ZFR2: variants seen among roughly 807,000 people sequenced by gnomAD.
ZFR2 encodes zinc finger RNA binding protein 2, also known as zinc finger RNA-binding protein 2.
In ZFR2, 104 loss-of-function variants were observed where a neutral mutation model predicts 105.7. The ratio of observed to expected loss-of-function variants is 0.98; its 90% CI spans 0.84 to 1.16. The LOEUF (loss-of-function observed/expected upper bound fraction) is 1.16, where lower values mean the gene tolerates loss of function less well. Among genes scored for constraint, ZFR2 ranks in the 50% most tolerant of loss-of-function variants. The pLI is 0.00. For missense variants in ZFR2, 1,425 were observed against 1,355.5 expected (o/e 1.05, Z -0.80); for synonymous variants, 634 against 597.7 (o/e 1.06, Z -0.89).
chr19:3,859,859 C>T lies in ZFR2; in HGVS notation c.53+9106G>A, dbSNP rs931628372. ...CAAAATGCATCTTACACATTCATAC[C>T]CGTAACAGTCCTGATTTTGTAACCA... On this transcript the variant is annotated intron_variant, in intron 1 of 18. Coordinates refer to ENST00000262961, the MANE Select transcript of ZFR2 (RefSeq NM_015174.2). Among the ~76,000 whole-genome samples the T allele has an allele frequency of 2.0e-5, 3 of 152,198 alleles. No individual in the cohort carries two copies. The East Asian group carries it at 5.8e-4, about 29-fold the overall frequency.
At chr19:3,855,120 T>A (rs570150507) in intron 1 of ZFR2, among the ~76,000 whole-genome samples, 3 of 152,322 alleles carry the variant, frequency 2.0e-5, no homozygotes, top group Admixed American at 2.0e-4. Flanking sequence ...GGTCTCGAAC[T>A]CCTGGGCTCA....
At chr19:3,822,461 C>T (rs895818365) in intron 8 of ZFR2, among the ~76,000 whole-genome samples, 1 of 151,888 alleles carries the variant, frequency 6.6e-6, no homozygotes, top group African/African-American at 2.4e-5. Flanking sequence ...CACAGGCACA[C>T]GCCACCATGG....
chr19:3,829,454 TTGTGTGTG>T (rs113401682), intron 5 of ZFR2, among the ~76,000 whole-genome samples: 4 of 149,736 alleles, frequency 2.7e-5, no homozygotes, highest in South Asian at 2.1e-4. Context: ...ATAGGTAGGT[TTGTGTGTG>T]TGTGTGTGTG....
chr19:3,822,816 A>G (rs1038911275), intron 8 of ZFR2, among the ~76,000 whole-genome samples: 1 of 152,158 alleles, frequency 6.6e-6, no homozygotes, highest in Non-Finnish European at 1.5e-5. Flanking sequence ...CTGGCCTGGG[A>G]GCTGGCAGAC....
intron 1 of ZFR2, among the ~76,000 whole-genome samples, chr19:3,850,900 CAAAAAAAAAAAA>C (rs59933286): frequency 3.1e-4 from 29 of 92,494 alleles, no homozygotes; most frequent in Non-Finnish European, 5.3e-4. Context: ...GCAGTCTTTT[CAAAAAAAAAAAA>C]AAAAAAAAAA....
intron 2 of ZFR2, 150 bp from the exon 3 acceptor site, chr19:3,833,928 C>T (rs1029411376): frequency 4.1e-5 from 22 of 538,774 alleles, no homozygotes; most frequent in South Asian, 1.4e-4. Context: ...GGCCCTGGCC[C>T]GGAGGCAGGG....
chr19:3,808,898 C>A lies in ZFR2; in HGVS notation c.2519G>T (p.Cys840Phe). ...TGTCAGGAGCGTCCCTGTGGCCACG[C>A]ACTCCAGGACTCGCCTGACTGCATC... ...PGDAVRRVLE[C>F]VATGTLLTDG... Residue 840 changes from cysteine (C) to phenylalanine (F), a missense_variant, in exon 17 of 19, where the codon TGC becomes TTC. By Grantham distance (205) the Cys-to-Phe change is radical (BLOSUM62 -2). Coordinates refer to ENST00000262961, the MANE Select transcript of ZFR2 (RefSeq NM_015174.2). 1 of 1,560,280 alleles carries A rather than the reference C, an allele frequency of 6.4e-7. No individual in the cohort carries two copies. Among genetic ancestry groups the A allele is most frequent in the Admixed American group, 1.9e-5 (1 of 52,956 alleles).
intron 1 of ZFR2, among the ~76,000 whole-genome samples, chr19:3,841,430 A>C (rs2038131573): frequency 6.6e-6 from 1 of 152,168 alleles, no homozygotes; most frequent in Non-Finnish European, 1.5e-5. Flanking sequence ...CACCCCTGTA[A>C]TCCCAGCGCC....
intron 5 of ZFR2, 60 bp from the exon 6 acceptor site, chr19:3,827,713 C>A: frequency 6.5e-7 from 1 of 1,534,438 alleles, no homozygotes; most frequent in Non-Finnish European, 8.8e-7. Flanking sequence ...ACTGTCCCCT[C>A]CCCTGCAGGC....
intron 1 of ZFR2, among the ~76,000 whole-genome samples, chr19:3,867,555 C>G (rs1007614310): frequency 6.6e-6 from 1 of 151,910 alleles, no homozygotes; most frequent in South Asian, 2.1e-4. Context: ...CCTCCAGGAT[C>G]CTTTCTCTCC....
intron 1 of ZFR2, among the ~76,000 whole-genome samples, chr19:3,860,887 G>A (rs1040497720): frequency 2.6e-5 from 4 of 152,224 alleles, no homozygotes; most frequent in East Asian, 1.9e-4. Flanking sequence ...TGAGCCGCTC[G>A]TGTCAAGGGC....
In ZFR2 at chr19:3,822,080, C is replaced by A. The variant is rs1309384894; in HGVS notation, c.1491+1G>T. 2 of 1,598,324 alleles carry A rather than the reference C, an allele frequency of 1.3e-6. No homozygotes were observed. The highest frequency in any genetic ancestry group is 1.7e-5 in the Admixed American group (1 of 58,004). On this transcript the variant is annotated splice_donor_variant, in intron 9 of 18. Coordinates refer to ENST00000262961, the MANE Select transcript of ZFR2 (RefSeq NM_015174.2). LOFTEE classifies it high-confidence loss of function. ...GTCGGAGCTCCCCCTGCTGGACGCA[C>A]CCGGTACTGCAGCCGGTGCCGCCGC... is the stretch of plus-strand genomic sequence containing the variant.
intron 1 of ZFR2, among the ~76,000 whole-genome samples, chr19:3,863,771 GCTC>G (rs1318504919): frequency 6.6e-6 from 1 of 152,168 alleles, no homozygotes; most frequent in Non-Finnish European, 1.5e-5. Context: ...GCCTCTCTAG[GCTC>G]CAGCAGCCCT....
chr19:3,809,594 G>C (rs990734307), intron 16 of ZFR2, among the ~76,000 whole-genome samples: 9 of 152,186 alleles, frequency 5.9e-5, no homozygotes. Context: ...CGGTCACCCA[G>C]CACGGAGGCT....
rs1348270691 is a variant in ZFR2, at chr19:3,821,464, C to G, written c.1507G>C (p.Asp503His). The change falls in exon 10 of 19, where the codon GAC becomes CAC. Residue 503 changes from aspartate (D) to histidine (H), a missense_variant. Asp to His is a moderately conservative substitution (Grantham distance 81). Transcript: ENST00000262961. ...CTGGGCTCCGTGGCAATGGGAAGGT[C>G]CGGGTTCACTTTCTTCTGGAAAGGA... is the stretch of plus-strand genomic sequence containing the variant. ...RLQYRKKVNP[D>H]LPIATEPSSR... 2 of 1,604,412 alleles carry G rather than the reference C, an allele frequency of 1.2e-6. No homozygotes were observed. Among genetic ancestry groups the G allele is most frequent in the South Asian group, 2.2e-5 (2 of 90,620 alleles).
At chr19:3,835,152 G>A (rs982231290) in intron 1 of ZFR2, among the ~76,000 whole-genome samples, 169 bp from the exon 2 acceptor site, 5 of 152,062 alleles carry the variant, frequency 3.3e-5, no homozygotes, top group Non-Finnish European at 4.4e-5. Context: ...AATTAACACC[G>A]TCTCACAACA....
chr19:3,855,938 T>C (rs1324671133), intron 1 of ZFR2, among the ~76,000 whole-genome samples: 2 of 151,974 alleles, frequency 1.3e-5, no homozygotes, highest in African/African-American at 4.8e-5. Flanking sequence ...CTCCAGCTTG[T>C]CCCCTGAGAC....
intron 10 of ZFR2, among the ~76,000 whole-genome samples, chr19:3,821,133 G>A (rs1009875622): frequency 2.6e-5 from 4 of 152,090 alleles, no homozygotes; most frequent in African/African-American, 9.7e-5. Context: ...TGTCAGGTCC[G>A]CACGCCACTG....
In ZFR2 at chr19:3,827,654, C is replaced by G; in HGVS notation, c.853-1G>C. 6.3e-7 allele frequency: 1 copy of G among 1,576,504 alleles called. No individual in the cohort carries two copies. Among genetic ancestry groups the G allele is most frequent in the Non-Finnish European group, 8.6e-7 (1 of 1,161,426 alleles). ...GCCCTCCCAGATGTTCCCGGTAGGTCTGCGGCAAGGGGTGAGAGGCAGCCT... is the reference window on the plus strand; with the variant it reads ...GCCCTCCCAGATGTTCCCGGTAGGTGTGCGGCAAGGGGTGAGAGGCAGCCT... On this transcript the variant is annotated splice_acceptor_variant, in intron 5 of 18. Transcript: ENST00000262961. LOFTEE classifies it high-confidence loss of function.
Sources: gnomAD v4.1 joint callset for allele counts (sites outside exome capture counted in the v4.1 genomes callset) on GRCh38, gnomAD v4.1.1 for gene constraint, MANE v1.5 for transcripts, NCBI Gene and HGNC (gene_info 2026-07-23, HGNC 2026-07-21) for gene names.